The following KIAA1549 variants were observed in gnomAD, a reference collection of about 807,000 sequenced individuals.
The protein encoded by KIAA1549 is KIAA1549, also known as UPF0606 protein KIAA1549.
In KIAA1549, 70 loss-of-function variants were observed where a neutral mutation model predicts 156.4. That is an observed-to-expected ratio of 0.45 (90% CI 0.37 to 0.55). The LOEUF (loss-of-function observed/expected upper bound fraction) is 0.55, where lower values mean the gene tolerates loss of function less well. KIAA1549 is among the 20% of genes least tolerant of loss of function. The pLI, the probability that KIAA1549 is intolerant of heterozygous loss-of-function variation, is 0.00. For synonymous variants in KIAA1549, 1,103 were observed against 1,066.4 expected (o/e 1.03, Z -0.67); for missense variants, 2,428 against 2,540.9 (o/e 0.96, Z 0.96).
At chr7:138,932,834 T>C (rs1364688966) in intron 1 of KIAA1549, among the ~76,000 whole-genome samples, 4 of 152,174 alleles carry the variant, frequency 2.6e-5, no homozygotes, top group East Asian at 1.9e-4. Flanking sequence ...CATGCACTCA[T>C]TCAAGTTTCA....
chr7:138,879,575 G>T lies in KIAA1549; in HGVS notation c.4308C>A (p.Ala1436=). ...ERDAGDKTPG[A]VNDGRSHRAP... Reference sequence around the variant, plus strand: ...CTCTGTGGGACCTGCCATCGTTGACGGCTCCCGGCGTCTTATCTCCTGCGT... The same window carrying T: ...CTCTGTGGGACCTGCCATCGTTGACTGCTCCCGGCGTCTTATCTCCTGCGT... Residue 1436 remains alanine, a synonymous_variant, in exon 12 of 20, where the codon GCC becomes GCA. Transcript: ENST00000422774. The T allele has an allele frequency of 6.4e-7, 1 of 1,568,532 alleles. No individual in the cohort carries two copies. Among genetic ancestry groups the T allele is most frequent in the East Asian group, 2.4e-5 (1 of 42,356 alleles).
chr7:138,863,784 C>G (rs1426198832), intron 15 of KIAA1549, among the ~76,000 whole-genome samples: 1 of 152,160 alleles, frequency 6.6e-6, no homozygotes, highest in East Asian at 1.9e-4. Flanking sequence ...GCACATGACA[C>G]TCTTGGGCTT....
chr7:138,954,622 C>A (rs948139793), intron 1 of KIAA1549, among the ~76,000 whole-genome samples: 2 of 152,222 alleles, frequency 1.3e-5, no homozygotes, highest in East Asian at 3.9e-4. Context: ...CCCCTCCCCC[C>A]ACAACAATGC....
intron 4 of KIAA1549, 23 bp from the exon 5 acceptor site, chr7:138,909,144 T>G: frequency 6.2e-7 from 1 of 1,602,406 alleles, no homozygotes; most frequent in Non-Finnish European, 8.5e-7. Context: ...GCAATCAAAG[T>G]CCCATAAATG....
At chr7:138,877,320 C>T (rs1224868057) in intron 12 of KIAA1549, among the ~76,000 whole-genome samples, 1 of 152,122 alleles carries the variant, frequency 6.6e-6, no homozygotes, top group Non-Finnish European at 1.5e-5. Context: ...ATGGCAAAAC[C>T]CCATTTCTAC....
Position 138,917,116 on chromosome 7 carries a change from A to G in KIAA1549, c.2510T>C (p.Val837Ala). 1.2e-6 allele frequency: 2 copies of G among 1,612,606 alleles called. No homozygotes were observed. Among genetic ancestry groups the G allele is most frequent in the Non-Finnish European group, 1.7e-6 (2 of 1,179,310 alleles). The change falls in exon 2 of 20, where the codon GTG becomes GCG. Residue 837 changes from valine to alanine, a missense_variant. By Grantham distance (64) the Val-to-Ala change is moderately conservative. This residue lies in a region of KIAA1549 where 762 missense variants were observed against 901.6 expected (regional missense o/e 0.85). Transcript: ENST00000422774. ...TGGCAGGTACGCGTCAGTGATCAACACCGTACCAGTGGGAATGGCTTTGGA... is the reference window on the plus strand; with the variant it reads ...TGGCAGGTACGCGTCAGTGATCAACGCCGTACCAGTGGGAATGGCTTTGGA... ...SFSKAIPTGT[V>A]LITDAYLPSG...
intron 10 of KIAA1549, among the ~76,000 whole-genome samples, chr7:138,883,689 T>C (rs2130412606): frequency 6.6e-6 from 1 of 152,234 alleles, no homozygotes; most frequent in East Asian, 1.9e-4. Context: ...GTCAAGGTAT[T>C]AACAGTTTCC....
intron 15 of KIAA1549, among the ~76,000 whole-genome samples, chr7:138,863,409 C>T (rs890039396): frequency 3.7e-4 from 56 of 151,898 alleles, no homozygotes; most frequent in Non-Finnish European, 6.9e-4. Context: ...TAAACTTAGC[C>T]CCCTATCTGA....
At chr7:138,911,578 G>A (rs572378432) in intron 3 of KIAA1549, among the ~76,000 whole-genome samples, 31 of 152,258 alleles carry the variant, frequency 2.0e-4, no homozygotes, top group Non-Finnish European at 3.7e-4. Context: ...CATTCAAGCT[G>A]TTTGTTGTAT....
rs10227679 is a variant in KIAA1549, at chr7:138,881,595, C to G, written c.4033-11G>C. The G allele has an allele frequency of 7.0e-3, 11,263 of 1,601,924 alleles. 685 individuals are homozygous for G. In the African/African-American group the frequency reaches 0.13, roughly 19 times the overall value. On this transcript the variant is annotated splice_polypyrimidine_tract_variant and intron_variant, in intron 10 of 19. Coordinates refer to ENST00000422774, the MANE Select transcript of KIAA1549 (RefSeq NM_001164665.2). ...ACTAGGGATCTGCAGCTGAAACATACACACACACAAACAAGATTGTTAACC... is the reference window on the plus strand; with the variant it reads ...ACTAGGGATCTGCAGCTGAAACATAGACACACACAAACAAGATTGTTAACC...
At chr7:138,841,048 G>A (rs978048072) in intron 18 of KIAA1549, among the ~76,000 whole-genome samples, 2 of 151,984 alleles carry the variant, frequency 1.3e-5, no homozygotes, top group Non-Finnish European at 2.9e-5. Context: ...CCTTATTTTC[G>A]TGGCTAGACA....
At chr7:138,910,249 A>AT (rs1164960261) in intron 4 of KIAA1549, among the ~76,000 whole-genome samples, 1 of 151,982 alleles carries the variant, frequency 6.6e-6, no homozygotes, top group African/African-American at 2.4e-5. Flanking sequence ...TAAAAGTTAA[A>AT]TAATAAGGTC....
intron 18 of KIAA1549, 103 bp from the exon 19 acceptor site, chr7:138,840,381 C>T: frequency 6.0e-6 from 6 of 997,804 alleles, no homozygotes; most frequent in Non-Finnish European, 8.8e-6. Flanking sequence ...CCACTACACT[C>T]CTTAATGACA....
rs753898346 is a variant in KIAA1549, at chr7:138,934,044, T to C, written c.188-14606A>G. On this transcript the variant is annotated intron_variant, in intron 1 of 19. Coordinates refer to ENST00000422774, the MANE Select transcript of KIAA1549 (RefSeq NM_001164665.2). Reference sequence around the variant, plus strand: ...CTCAGGTTCTCATCAGGAAGTAGTGTATGGGTTTTTGTTGTTGTCGTCGTT... The same window carrying C: ...CTCAGGTTCTCATCAGGAAGTAGTGCATGGGTTTTTGTTGTTGTCGTCGTT... 6.0e-4 allele frequency among the ~76,000 whole-genome samples: 91 copies of C among 152,168 alleles called. 1 individual carries two copies. The highest frequency in any genetic ancestry group is 1.5e-4 in the Non-Finnish European group (10 of 68,040).
intron 17 of KIAA1549, among the ~76,000 whole-genome samples, chr7:138,851,697 C>A (rs1276193811): frequency 6.6e-6 from 1 of 152,148 alleles, no homozygotes; most frequent in Admixed American, 6.5e-5. Flanking sequence ...CAAAGCTGAG[C>A]TTTACTTCCT....
In KIAA1549 at chr7:138,918,952, G is replaced by C; in HGVS notation, c.674C>G (p.Ser225Cys). 3 of 1,614,034 alleles carry C rather than the reference G, an allele frequency of 1.9e-6. No homozygotes were observed. The highest frequency in any genetic ancestry group is 2.5e-6 in the Non-Finnish European group (3 of 1,179,902). ...CCGAAAGGTGTGGAAATGACTGGCGGACTCAGCATATGCCGCTGGTTGTCG... is the reference window on the plus strand; with the variant it reads ...CCGAAAGGTGTGGAAATGACTGGCGCACTCAGCATATGCCGCTGGTTGTCG... ...TTRQPAAYAE[S>C]ASHFHTFRSA... The change falls in exon 2 of 20, where the codon TCC becomes TGC. Residue 225 changes from serine to cysteine, a missense_variant. Ser to Cys is a moderately radical substitution (Grantham distance 112). Around this residue, in one of 5 missense-constraint regions of KIAA1549, gnomAD observed 893 missense variants for 847.9 expected, o/e 1.05. Coordinates refer to ENST00000422774, the MANE Select transcript of KIAA1549 (RefSeq NM_001164665.2). This position sits in a 1 kb window ranked among gnomAD's most constrained non-coding sequence, Gnocchi z 4.2.
At chr7:138,975,486 G>A (rs1814347923) in intron 1 of KIAA1549, among the ~76,000 whole-genome samples, 1 of 152,108 alleles carries the variant, frequency 6.6e-6, no homozygotes, top group Non-Finnish European at 1.5e-5. Flanking sequence ...TTGATATGTA[G>A]GAGCTACAGG....
At chr7:138,894,950 C>T (rs1156903300) in intron 9 of KIAA1549, among the ~76,000 whole-genome samples, 2 of 152,128 alleles carry the variant, frequency 1.3e-5, no homozygotes, top group Admixed American at 6.5e-5. Context: ...TAATCCTGCC[C>T]GCTCCATCAA....
intron 15 of KIAA1549, among the ~76,000 whole-genome samples, chr7:138,865,440 G>GA (rs112459701): frequency 0.12 from 17,469 of 142,184 alleles, 1,257 homozygotes; most frequent in East Asian, 0.23. Context: ...GCTTGAAGAT[G>GA]AAAAAAAAAA....
Sources: allele counts gnomAD v4.1 joint callset (sites outside exome capture counted in the v4.1 genomes callset), GRCh38; gene constraint gnomAD v4.1.1; regional missense constraint gnomAD v4.1.1; non-coding constraint Gnocchi (gnomAD v3.1); transcripts MANE v1.5; gene names NCBI Gene and HGNC (gene_info 2026-07-23, HGNC 2026-07-21).